Variants in VWC2 observed in about 807,000 individuals in gnomAD.
The protein encoded by VWC2 is von Willebrand factor C domain containing 2.
In VWC2, 14 loss-of-function variants were observed where a neutral mutation model predicts 29.8. The observed-to-expected ratio is 0.47, with a 90% CI of 0.31 to 0.74. The LOEUF (loss-of-function observed/expected upper bound fraction) is 0.74. Among genes scored for constraint, VWC2 ranks in the 30% least tolerant of loss-of-function variants. The probability of loss-of-function intolerance (pLI) is 0.05; values close to 1 mark genes in which losing one functional copy is unlikely to be tolerated. For missense variants in VWC2, 457 were observed against 459.8 expected (o/e 0.99, Z 0.05); for synonymous variants, 213 against 199.0 (o/e 1.07, Z -0.59).
chr7:49,862,600 T>C (rs1790699656), intron 3 of VWC2, among the ~76,000 whole-genome samples: 1 of 152,162 alleles, frequency 6.6e-6, no homozygotes, highest in Admixed American at 6.5e-5. Context: ...GCTGTAGGTT[T>C]TTCATAAAAG....
chr7:49,798,194 A>G (rs553119527), intron 2 of VWC2, among the ~76,000 whole-genome samples: 1 of 152,344 alleles, frequency 6.6e-6, no homozygotes, highest in Middle Eastern at 3.4e-3. Context: ...CACGTGGGGA[A>G]CCATCAGCTT....
At chr7:49,782,690 GAAA>G (rs149219445) in intron 2 of VWC2, among the ~76,000 whole-genome samples, 2 of 128,810 alleles carry the variant, frequency 1.6e-5, no homozygotes, top group Non-Finnish European at 1.7e-5. Flanking sequence ...ACAACAAATT[GAAA>G]AAAAAAAAAA....
At chr7:49,785,620 AT>A (rs2128702434) in intron 2 of VWC2, among the ~76,000 whole-genome samples, 1 of 152,364 alleles carries the variant, frequency 6.6e-6, no homozygotes, top group Non-Finnish European at 1.5e-5. Flanking sequence ...CAAAATAAAG[AT>A]GTTCAGAGCA....
At chr7:49,820,894 G>A (rs1185666558) in intron 3 of VWC2, among the ~76,000 whole-genome samples, 1 of 152,186 alleles carries the variant, frequency 6.6e-6, no homozygotes, top group Non-Finnish European at 1.5e-5. Flanking sequence ...GGTACAGGCT[G>A]AGGAAGGCTG....
intron 3 of VWC2, among the ~76,000 whole-genome samples, chr7:49,861,683 T>C (rs1790658259): frequency 6.6e-6 from 1 of 152,182 alleles, no homozygotes; most frequent in African/African-American, 2.4e-5. Flanking sequence ...TGGTATGAGG[T>C]AGGGGACCAA....
At chr7:49,827,692 C>T (rs1789436168) in intron 3 of VWC2, among the ~76,000 whole-genome samples, 2 of 152,220 alleles carry the variant, frequency 1.3e-5, no homozygotes, top group East Asian at 3.9e-4. Context: ...TGTACAAGAG[C>T]AATTCTAAGG....
chr7:49,822,590 C>T (rs1477193644), intron 3 of VWC2, among the ~76,000 whole-genome samples: 3 of 152,170 alleles, frequency 2.0e-5, no homozygotes, highest in Admixed American at 2.0e-4. Context: ...GGTCACCCAC[C>T]ACCACACCCA....
At chr7:49,836,277 T>C (rs973982016) in intron 3 of VWC2, among the ~76,000 whole-genome samples, 3 of 152,170 alleles carry the variant, frequency 2.0e-5, no homozygotes, top group South Asian at 2.1e-4. Context: ...TTTGCATTAA[T>C]ATTTTTACAC....
intron 3 of VWC2, among the ~76,000 whole-genome samples, chr7:49,851,149 T>C (rs1274777250): frequency 1.3e-5 from 2 of 152,212 alleles, no homozygotes; most frequent in African/African-American, 4.8e-5. Context: ...TCCTGGGTTT[T>C]AGAGGCTTCA....
chr7:49,854,078 T>G (rs1452451998), intron 3 of VWC2, among the ~76,000 whole-genome samples: 1 of 152,016 alleles, frequency 6.6e-6, no homozygotes, highest in Non-Finnish European at 1.5e-5. Context: ...TATTCCATGG[T>G]GTATATGTGC....
At chr7:49,788,984 T>C (rs1441240141) in intron 2 of VWC2, among the ~76,000 whole-genome samples, 1 of 146,650 alleles carries the variant, frequency 6.8e-6, no homozygotes, top group Non-Finnish European at 1.5e-5. Context: ...TGAGCATGTG[T>C]GTGTGAGGTG....
At position 49,920,250 on chromosome 7, in the gene VWC2, C is replaced by T. The variant is rs543215877; in HGVS notation, c.*8065C>T. ...CAAACATTTTAATACACGATGAATC[C>T]TTTTCTTAAGGAAAAAATGAAAATA... is the stretch of plus-strand genomic sequence containing the variant. On this transcript the variant is annotated 3_prime_UTR_variant, in exon 4 of 4. Transcript: ENST00000340652. The T allele has an allele frequency of 3.6e-4, 55 of 151,358 alleles. No individual in the cohort carries two copies. Among genetic ancestry groups the T allele is most frequent in the African/African-American group, 1.1e-3 (45 of 41,490 alleles). The allele number at this position is 151,358 out of a possible 1,614,324, so 9.4% of individuals were successfully genotyped here. A position where few individuals can be genotyped will look rare whatever the true frequency, so the allele number is the denominator to read the frequency against.
chr7:49,843,619 A>G (rs1789850564), intron 3 of VWC2, among the ~76,000 whole-genome samples: 1 of 152,234 alleles, frequency 6.6e-6, no homozygotes, highest in Admixed American at 6.5e-5. Context: ...CCAGTTTGTA[A>G]TGTCCACAAC....
rs1270887284 is a variant in VWC2 at position 49,775,598 on chromosome 7, G to C, written c.163G>C (p.Gly55Arg). ...GAAGCGTGAGCACGCCTCTCGGGACGGCCCGGGGCGGGTGAACGAGCTCGG... is the reference window on the plus strand; with the variant it reads ...GAAGCGTGAGCACGCCTCTCGGGACCGCCCGGGGCGGGTGAACGAGCTCGG... ...QEKREHASRDGPGRVNELGRP... is the reference protein window; with the variant it reads ...QEKREHASRDRPGRVNELGRP... Residue 55 changes from glycine (G) to arginine (R), a missense_variant, in exon 2 of 4, where the codon GGC becomes CGC. Transcript: ENST00000340652. 3 of 1,533,894 alleles carry C rather than the reference G, an allele frequency of 2.0e-6. No individual in the cohort carries two copies.
intron 3 of VWC2, among the ~76,000 whole-genome samples, chr7:49,889,477 AC>A (rs1260354374): frequency 6.6e-6 from 1 of 152,238 alleles, no homozygotes; most frequent in Admixed American, 6.5e-5. Context: ...GAAGATGATG[AC>A]AAAATCAGGG....
Position 49,886,290 on chromosome 7 carries a change from A to C in VWC2, c.827-25744A>C, listed in dbSNP as rs568929408. The stretch of plus-strand genomic sequence containing the variant: ...GTAAAAGTCCTTGAATATGCAGACA[A>C]TAGAGTACATTCCTATTTGGAAGCG... On this transcript the variant is annotated intron_variant, in intron 3 of 3. Coordinates refer to ENST00000340652, the MANE Select transcript of VWC2 (RefSeq NM_198570.5). Among the ~76,000 whole-genome samples the C allele has an allele frequency of 2.0e-5, 3 of 152,264 alleles. No individual in the cohort carries two copies. The East Asian group carries it at 5.8e-4, about 29-fold the overall frequency.
chr7:49,790,143 C>T (rs901974709), intron 2 of VWC2, among the ~76,000 whole-genome samples: 2 of 152,204 alleles, frequency 1.3e-5, no homozygotes, highest in Admixed American at 6.5e-5. Flanking sequence ...GTTTTTCCCC[C>T]GCATAATTGA....
chr7:49,836,638 CAATAAATAAATA>C (rs3062195), intron 3 of VWC2, among the ~76,000 whole-genome samples: 124 of 145,418 alleles, frequency 8.5e-4, no homozygotes, highest in East Asian at 1.8e-3. Context: ...GACTCCATCT[CAATAAATAAATA>C]AATAAATAAA....
At chr7:49,900,802 C>A (rs766686887) in intron 3 of VWC2, among the ~76,000 whole-genome samples, 2 of 151,744 alleles carry the variant, frequency 1.3e-5, no homozygotes, top group Admixed American at 6.6e-5. Flanking sequence ...GACATAGACA[C>A]TACAAGAAAG....
Sources: allele counts gnomAD v4.1 joint callset (sites outside exome capture counted in the v4.1 genomes callset), GRCh38; gene constraint gnomAD v4.1.1; transcripts MANE v1.5; gene names NCBI Gene and HGNC (gene_info 2026-07-23, HGNC 2026-07-21).